Variants in GPR137B observed in about 807,000 individuals in gnomAD.
GPR137B encodes integral membrane protein GPR137B.
In GPR137B, 42 loss-of-function variants were observed where a neutral mutation model predicts 42.5. The observed-to-expected ratio is 0.99, with a 90% CI of 0.77 to 1.28. The LOEUF (loss-of-function observed/expected upper bound fraction) is 1.28, where lower values mean the gene tolerates loss of function less well. Ranked by LOEUF, GPR137B falls within the 50% of genes most tolerant of loss-of-function variation. GPR137B has a pLI of 0.00. For synonymous variants in GPR137B, 218 were observed against 209.7 expected (o/e 1.04, Z -0.34); for missense variants, 487 against 493.9 (o/e 0.99, Z 0.13).
intron 2 of GPR137B, among the ~76,000 whole-genome samples, chr1:236,173,023 C>T (rs1014478566): frequency 7.3e-5 from 11 of 150,966 alleles, no homozygotes; most frequent in Non-Finnish European, 1.3e-4. Context: ...GAAAAAGCAG[C>T]GGCTCATGTT....
rs3082534 is a variant in GPR137B, at chr1:236,178,785, GTTTTTTTTTTTTTTTTT to G, written c.687+163_687+179del. On this transcript the variant is annotated intron_variant, in intron 3 of 6. Coordinates refer to ENST00000366592, the MANE Select transcript of GPR137B (RefSeq NM_003272.4). ...GTCTCCCACACAGGGGCTACTCGAG[GTTTTTTTTTTTTTTTTT>G]TTTTTTTTTTTTTGAGACGGAGTCT... The G allele has an allele frequency of 3.7e-3, 181 of 49,500 alleles. 9 individuals carry two copies. Among genetic ancestry groups the G allele is most frequent in the Non-Finnish European group, 6.7e-3 (152 of 22,552 alleles). The allele number at this position is 49,500 out of a possible 1,614,324, so 3.1% of individuals were successfully genotyped here. A position where few individuals can be genotyped will look rare whatever the true frequency, so the allele number is the denominator to read the frequency against.
intron 1 of GPR137B, among the ~76,000 whole-genome samples, chr1:236,149,655 G>T (rs922034053): frequency 1.3e-5 from 2 of 152,238 alleles, no homozygotes; most frequent in Non-Finnish European, 2.9e-5. Context: ...GAAGAGGGAA[G>T]CTTCTAGGCC....
At chr1:236,201,398 T>A (rs1663488076) in intron 5 of GPR137B, among the ~76,000 whole-genome samples, 1 of 109,716 alleles carries the variant, frequency 9.1e-6, no homozygotes, top group Admixed American at 9.2e-5. Flanking sequence ...TTTCTCTTCA[T>A]CTTCAGGAAC....
At chr1:236,203,110 C>A (rs967113884) in intron 5 of GPR137B, among the ~76,000 whole-genome samples, 1 of 152,094 alleles carries the variant, frequency 6.6e-6, no homozygotes, top group Non-Finnish European at 1.5e-5. Flanking sequence ...CAGAGTCTTG[C>A]TCTGTCGCCC....
At position 236,185,963 on chromosome 1, in the gene GPR137B, A is replaced by G. The variant is rs919849362; in HGVS notation, c.966+2057A>G. 2.6e-5 allele frequency among the ~76,000 whole-genome samples: 4 copies of G among 151,646 alleles called. No individual in the cohort carries two copies. The East Asian group carries it at 5.8e-4, about 22-fold the overall frequency. ...GCCCTACCCCCAGGCATAAGCCACTATAATCTCCTGTGTCTATAGATTTCC... is the reference window on the plus strand; with the variant it reads ...GCCCTACCCCCAGGCATAAGCCACTGTAATCTCCTGTGTCTATAGATTTCC... On this transcript the variant is annotated intron_variant, in intron 5 of 6. Coordinates refer to ENST00000366592, the MANE Select transcript of GPR137B (RefSeq NM_003272.4).
chr1:236,163,621 C>T (rs1662262180), intron 1 of GPR137B, among the ~76,000 whole-genome samples: 1 of 152,134 alleles, frequency 6.6e-6, no homozygotes, highest in African/African-American at 2.4e-5. Context: ...GTGAATAAGT[C>T]TCAGGAGATC....
In GPR137B at chr1:236,189,519, CT is replaced by C. The variant is rs561422553; in HGVS notation, c.966+5618del. Among the ~76,000 whole-genome samples, 426 of 152,224 alleles carry C rather than the reference CT, an allele frequency of 2.8e-3. 7 individuals are homozygous for C. The highest frequency in any genetic ancestry group is 0.025 in the Admixed American group (385 of 15,280). Reference sequence around the variant, plus strand: ...TCCCAGAGATTCTGGTACATTATGTCTTTTTCTCATTGGTTTCAAAGAAGAT... The same window carrying C: ...TCCCAGAGATTCTGGTACATTATGTCTTTTCTCATTGGTTTCAAAGAAGAT... On this transcript the variant is annotated intron_variant, in intron 5 of 6. Transcript: ENST00000366592.
chr1:236,181,494 C>G (rs1311551818), intron 4 of GPR137B, among the ~76,000 whole-genome samples: 1 of 152,196 alleles, frequency 6.6e-6, no homozygotes, highest in African/African-American at 2.4e-5. Flanking sequence ...CTCTATTATA[C>G]ATTTATTAGA....
At chr1:236,149,573 C>T (rs576269598) in intron 1 of GPR137B, among the ~76,000 whole-genome samples, 1 of 152,324 alleles carries the variant, frequency 6.6e-6, no homozygotes, top group Admixed American at 6.5e-5. Flanking sequence ...GGCTGTGGCT[C>T]TTGGCGGTCA....
At chr1:236,163,013 T>A (rs1452871418) in intron 1 of GPR137B, among the ~76,000 whole-genome samples, 1 of 151,976 alleles carries the variant, frequency 6.6e-6, no homozygotes, top group Non-Finnish European at 1.5e-5. Context: ...CCACAGACAC[T>A]CAACACCAGC....
intron 5 of GPR137B, among the ~76,000 whole-genome samples, chr1:236,204,541 G>T (rs1486051734): frequency 6.6e-6 from 1 of 152,024 alleles, no homozygotes; most frequent in Non-Finnish European, 1.5e-5. Context: ...TTTCTTTACT[G>T]GGAGACTTTT....
intron 1 of GPR137B, among the ~76,000 whole-genome samples, chr1:236,147,617 C>T (rs1661716145): frequency 6.6e-6 from 1 of 152,176 alleles, no homozygotes; most frequent in African/African-American, 2.4e-5. Context: ...CTGTAAAAAT[C>T]CCAGGTGGAA....
chr1:236,205,049 C>A, intron 5 of GPR137B, 77 bp from the exon 6 acceptor site: 1 of 1,218,880 alleles, frequency 8.2e-7, no homozygotes, highest in Non-Finnish European at 1.2e-6. Context: ...TAGTCTCCTA[C>A]AAGAAAGAGA....
chr1:236,192,414 A>G (rs1321756998), intron 5 of GPR137B, among the ~76,000 whole-genome samples: 1 of 151,692 alleles, frequency 6.6e-6, no homozygotes, highest in African/African-American at 2.4e-5. Flanking sequence ...CAGCTGGTTC[A>G]GTGTCTGCCC....
chr1:236,144,177 G>C (rs1229548292), intron 1 of GPR137B, among the ~76,000 whole-genome samples: 1 of 152,156 alleles, frequency 6.6e-6, no homozygotes, highest in Non-Finnish European at 1.5e-5. Context: ...GCATTGTGGA[G>C]GCGGAGGCGG....
In GPR137B at chr1:236,183,829, G is replaced by A. The variant is rs1285623039; in HGVS notation, c.889G>A (p.Val297Met). Reference protein sequence around the residue: ...GDAGYVLFGVVLFVWELLPTT... With the variant: ...GDAGYVLFGVMLFVWELLPTT... ...TGCTGGATACGTATTATTTGGAGTG[G>A]TGTTATTTGTTTGGGAACTCTTACC... Residue 297 changes from valine (V) to methionine (M), a missense_variant, in exon 5 of 7, where the codon GTG becomes ATG. Coordinates refer to ENST00000366592, the MANE Select transcript of GPR137B (RefSeq NM_003272.4). The A allele has an allele frequency of 6.2e-7, 1 of 1,603,632 alleles. No individual in the cohort carries two copies. Among genetic ancestry groups the A allele is most frequent in the Admixed American group, 1.7e-5 (1 of 59,976 alleles).
At chr1:236,181,884 ATAT>A (rs1392198561) in intron 4 of GPR137B, among the ~76,000 whole-genome samples, 2 of 99,490 alleles carry the variant, frequency 2.0e-5, no homozygotes, top group African/African-American at 1.1e-4. Flanking sequence ...AATACACATA[ATAT>A]TTGCTATTTT....
chr1:236,169,210 GCAGGTACAGGTA>G (rs200459012), intron 2 of GPR137B, among the ~76,000 whole-genome samples: 26 of 133,374 alleles, frequency 1.9e-4, no homozygotes, highest in African/African-American at 7.5e-4. Context: ...AGGTGCAGGT[GCAGGTACAGGTA>G]CAGGTACAGG....
intron 5 of GPR137B, among the ~76,000 whole-genome samples, chr1:236,203,909 T>G (rs533964737): frequency 9.2e-5 from 14 of 152,332 alleles, no homozygotes; most frequent in Non-Finnish European, 1.8e-4. Flanking sequence ...TCTATTCCAA[T>G]TTGGATGCCC....
Sources: allele counts gnomAD v4.1 joint callset (sites outside exome capture counted in the v4.1 genomes callset), GRCh38; gene constraint gnomAD v4.1.1; transcripts MANE v1.5; gene names NCBI Gene and HGNC (gene_info 2026-07-23, HGNC 2026-07-21).